Variants in TAMM41 observed in about 807,000 individuals in gnomAD.
The protein encoded by TAMM41 is phosphatidate cytidylyltransferase, mitochondrial.
Under a neutral mutation model 44.1 loss-of-function variants are expected in TAMM41, and 36 were observed. The ratio of observed to expected loss-of-function variants is 0.82; its 90% CI spans 0.63 to 1.08. TAMM41 has a LOEUF of 1.08. TAMM41 is among the 50% of genes least tolerant of loss of function. The pLI is 0.00. For synonymous variants in TAMM41, 164 were observed against 153.1 expected, an observed-to-expected ratio of 1.07 and a Z score of -0.53; for missense variants, 417 against 404.3, an observed-to-expected ratio of 1.03 and a Z score of -0.27.
chr3:11,776,202 T>C, the TAMM41 span, among the ~76,000 whole-genome samples: 4 of 151,410 alleles, frequency 2.6e-5, no homozygotes, highest in African/African-American at 9.7e-5. Context: ...TTTTTTTTAG[T>C]AGAGATGGGG....
chr3:11,840,168 G>T (rs2079369598), intron 2 of TAMM41, among the ~76,000 whole-genome samples: 1 of 152,020 alleles, frequency 6.6e-6, no homozygotes, highest in Non-Finnish European at 1.5e-5. Context: ...AGCTTTCAGG[G>T]AGAGTGATTT....
chr3:11,784,068 G>A, the TAMM41 span, among the ~76,000 whole-genome samples: 1 of 152,132 alleles, frequency 6.6e-6, no homozygotes, highest in Non-Finnish European at 1.5e-5. Flanking sequence ...AGGACCCATA[G>A]GGACAGCTCT....
At chr3:11,740,893 T>G in the TAMM41 span, among the ~76,000 whole-genome samples, 7,502 of 146,812 alleles carry the variant, frequency 0.051, 1,172 homozygotes, top group African/African-American at 0.18. Flanking sequence ...GAACACAAAT[T>G]CATTTCTTAC....
intron 5 of TAMM41, among the ~76,000 whole-genome samples, chr3:11,812,002 G>A (rs2078102376): frequency 6.6e-6 from 1 of 152,060 alleles, no homozygotes; most frequent in East Asian, 1.9e-4. Flanking sequence ...ATCTCAGCTC[G>A]CTGCAACCTC....
In TAMM41 at chr3:11,829,817, G is replaced by A. The variant is rs770630003; in HGVS notation, c.459C>T (p.Leu153=). 30 of 1,614,064 alleles carry A rather than the reference G, an allele frequency of 1.9e-5. No homozygotes were observed. Among genetic ancestry groups the A allele is most frequent in the Middle Eastern group, 1.6e-4 (1 of 6,084 alleles). Residue 153 remains leucine (L), a synonymous_variant, in exon 4 of 8, where the codon CTC becomes CTT. Coordinates refer to ENST00000455809, the MANE Select transcript of TAMM41 (RefSeq NM_001284401.2). ...VNEDVTLRSA[L]DRNLKSAVTA... ...TCACAGCACTCTTCAGATTTCTATC[G>A]AGGGCTGATCTAAGAGTGACATCCT...
the TAMM41 span, among the ~76,000 whole-genome samples, chr3:11,726,812 A>G: frequency 4.6e-5 from 7 of 151,648 alleles, no homozygotes; most frequent in African/African-American, 7.3e-5. Context: ...AAAAAAAAAA[A>G]AAAAAAGAAA....
chr3:11,793,082 A>G (rs1032504417), intron 7 of TAMM41, among the ~76,000 whole-genome samples: 3 of 141,290 alleles, frequency 2.1e-5, no homozygotes, highest in Non-Finnish European at 4.6e-5. Flanking sequence ...AAAAAAAAAA[A>G]AAGAGAGTGA....
chr3:11,731,037 A>C, the TAMM41 span, among the ~76,000 whole-genome samples: 3 of 152,096 alleles, frequency 2.0e-5, no homozygotes, highest in Non-Finnish European at 4.4e-5. Context: ...TACTTAGAAA[A>C]GTGTGTGTAT....
chr3:11,806,120 A>C (rs949541758), intron 7 of TAMM41, among the ~76,000 whole-genome samples: 1 of 152,204 alleles, frequency 6.6e-6, no homozygotes, highest in African/African-American at 2.4e-5. Context: ...TGGAACTGCT[A>C]ATCAATTAAA....
the TAMM41 span, among the ~76,000 whole-genome samples, chr3:11,784,183 G>A: frequency 2.6e-4 from 39 of 152,178 alleles, no homozygotes; most frequent in African/African-American, 8.9e-4. Flanking sequence ...GAAAGATGCC[G>A]TATCTACTGT....
chr3:11,802,942 A>C (rs2077795552), intron 7 of TAMM41, among the ~76,000 whole-genome samples: 1 of 152,234 alleles, frequency 6.6e-6, no homozygotes, highest in South Asian at 2.1e-4. Context: ...AGAATTAAGG[A>C]CAAAAACCAC....
At chr3:11,832,281 AAC>A (rs143536806) in intron 3 of TAMM41, among the ~76,000 whole-genome samples, 74,254 of 144,440 alleles carry the variant, frequency 0.51, 19,516 homozygotes, top group East Asian at 0.75. Context: ...CATTCAGAAA[AAC>A]AAAAAAAAAA....
At chr3:11,836,749 C>T (rs1349966331) in intron 3 of TAMM41, among the ~76,000 whole-genome samples, 1 of 152,214 alleles carries the variant, frequency 6.6e-6, no homozygotes, top group Non-Finnish European at 1.5e-5. Flanking sequence ...CAGGCGTGAG[C>T]CACAGTGCCT....
the TAMM41 span, among the ~76,000 whole-genome samples, chr3:11,785,188 C>A: frequency 6.6e-6 from 1 of 152,108 alleles, no homozygotes; most frequent in African/African-American, 2.4e-5. Flanking sequence ...AGGTTTCTCA[C>A]CAGCTGGCTT....
At chr3:11,800,449 T>C (rs1191444110) in intron 7 of TAMM41, among the ~76,000 whole-genome samples, 2 of 149,366 alleles carry the variant, frequency 1.3e-5, no homozygotes, top group African/African-American at 4.9e-5. Flanking sequence ...ACAAATAGAC[T>C]GAAAGTAAAG....
chr3:11,778,018 G>A, the TAMM41 span, among the ~76,000 whole-genome samples: 5 of 151,930 alleles, frequency 3.3e-5, no homozygotes, highest in African/African-American at 4.8e-5. Flanking sequence ...AAGTGACATC[G>A]TATAGTATGT....
intron 5 of TAMM41, among the ~76,000 whole-genome samples, chr3:11,815,727 G>T (rs774304110): frequency 5.5e-5 from 8 of 146,294 alleles, no homozygotes; most frequent in Non-Finnish European, 1.2e-4. Context: ...GTGTAAGACG[G>T]TAAAAAAAAT....
chr3:11,778,247 C>T, the TAMM41 span, among the ~76,000 whole-genome samples: 1 of 151,924 alleles, frequency 6.6e-6, no homozygotes, highest in Non-Finnish European at 1.5e-5. Context: ...TTTTTAGAGA[C>T]AGGGTCTCGT....
At chr3:11,823,660 CTTT>C (rs34657936) in intron 4 of TAMM41, among the ~76,000 whole-genome samples, 4 of 122,396 alleles carry the variant, frequency 3.3e-5, no homozygotes, top group Admixed American at 8.8e-5. Flanking sequence ...TGCCTTTTTA[CTTT>C]TTTTTTTTTT....
Sources: allele counts gnomAD v4.1 joint callset (sites outside exome capture counted in the v4.1 genomes callset), GRCh38; gene constraint gnomAD v4.1.1; transcripts MANE v1.5; gene names NCBI Gene and HGNC (gene_info 2026-07-23, HGNC 2026-07-21).